KIAA1549L: variants seen among roughly 807,000 people sequenced by gnomAD.
KIAA1549L encodes the protein UPF0606 protein KIAA1549L.
A neutral mutation model predicts 160.7 loss-of-function variants in KIAA1549L; 88 were observed. That is an observed-to-expected ratio of 0.55 (90% CI 0.46 to 0.65). The LOEUF (loss-of-function observed/expected upper bound fraction) is 0.65, where lower values mean the gene tolerates loss of function less well. KIAA1549L is among the 30% of genes least tolerant of loss of function. The pLI, the probability that KIAA1549L is intolerant of heterozygous loss-of-function variation, is 0.00. For missense variants in KIAA1549L, 2,258 were observed against 2,437.5 expected, an observed-to-expected ratio of 0.93 and a Z score of 1.55; for synonymous variants, 950 against 976.7, an observed-to-expected ratio of 0.97 and a Z score of 0.51.
chr11:33,618,560 A>G lies in KIAA1549L; in HGVS notation c.5307A>G (p.Arg1769=). Reference sequence around the variant, plus strand: ...AACAGATGAAGAACTCTGTCTACAGAAGCCGGCAGTCTCTGAACAGCCCGA... The same window carrying G: ...AACAGATGAAGAACTCTGTCTACAGGAGCCGGCAGTCTCTGAACAGCCCGA... The part of the protein sequence containing the change: ...NRQQMKNSVY[R]SRQSLNSPSP... Residue 1769 remains arginine (R), a synonymous_variant, in exon 16 of 21, where the codon AGA becomes AGG. Transcript: ENST00000658780. 1 of 1,609,822 alleles carries G rather than the reference A, an allele frequency of 6.2e-7. No homozygotes were observed. The highest frequency in any genetic ancestry group is 8.5e-7 in the Non-Finnish European group (1 of 1,177,044).
intron 1 of KIAA1549L, among the ~76,000 whole-genome samples, chr11:33,389,559 A>G (rs569439891): frequency 6.6e-6 from 1 of 152,162 alleles, no homozygotes. Flanking sequence ...TTATTATCTT[A>G]TTAATACTGG....
At chr11:33,565,973 T>G (rs557397433) in intron 8 of KIAA1549L, among the ~76,000 whole-genome samples, 1 of 152,272 alleles carries the variant, frequency 6.6e-6, no homozygotes, top group African/African-American at 2.4e-5. Context: ...ATCCTGCCAC[T>G]GCATTCCAGC....
At chr11:33,564,804 TATTAACTGAGC>T (rs1458668518) in intron 8 of KIAA1549L, among the ~76,000 whole-genome samples, 1 of 152,238 alleles carries the variant, frequency 6.6e-6, no homozygotes, top group East Asian at 1.9e-4. Flanking sequence ...GAGGGAGAAG[TATTAACTGAGC>T]ATTAAGATTC....
At chr11:33,448,154 G>A (rs1390034297) in intron 1 of KIAA1549L, among the ~76,000 whole-genome samples, 1 of 152,122 alleles carries the variant, frequency 6.6e-6, no homozygotes, top group African/African-American at 2.4e-5. Context: ...GGGTATACAT[G>A]TGCCATGGTG....
intron 3 of KIAA1549L, 93 bp downstream of exon 3, chr11:33,545,471 G>A: frequency 7.1e-7 from 1 of 1,413,630 alleles, no homozygotes; most frequent in Non-Finnish European, 9.3e-7. Context: ...CTCAACCAGG[G>A]GACATTTTTC....
chr11:33,584,418 T>G (rs1855744663), intron 11 of KIAA1549L, among the ~76,000 whole-genome samples: 1 of 152,182 alleles, frequency 6.6e-6, no homozygotes. Context: ...AAGCCTGTCC[T>G]GGGGCCCCAT....
At chr11:33,511,533 A>G (rs950418456) in intron 1 of KIAA1549L, among the ~76,000 whole-genome samples, 2 of 152,240 alleles carry the variant, frequency 1.3e-5, no homozygotes, top group African/African-American at 2.4e-5. Context: ...CGGTGATGCA[A>G]TGTTACCAAA....
At chr11:33,435,781 T>C (rs1232010048) in intron 1 of KIAA1549L, among the ~76,000 whole-genome samples, 1 of 11,254 alleles carries the variant, frequency 8.9e-5, no homozygotes. Context: ...TATATATATA[T>C]ATATATATAT....
At chr11:33,572,964 G>A (rs1855316173) in intron 9 of KIAA1549L, among the ~76,000 whole-genome samples, 1 of 152,198 alleles carries the variant, frequency 6.6e-6, no homozygotes, top group South Asian at 2.1e-4. Context: ...ACTTGGTGTT[G>A]TCAGTTCTTA....
At chr11:33,471,808 G>A (rs566587672) in intron 1 of KIAA1549L, among the ~76,000 whole-genome samples, 5 of 152,214 alleles carry the variant, frequency 3.3e-5, no homozygotes, top group Non-Finnish European at 5.9e-5. Context: ...CTGCAGGCAG[G>A]AACAGAGCCA....
At chr11:33,516,682 TAAAAC>T (rs988027484) in intron 1 of KIAA1549L, among the ~76,000 whole-genome samples, 2 of 152,174 alleles carry the variant, frequency 1.3e-5, no homozygotes, top group African/African-American at 2.4e-5. Flanking sequence ...TATTCAGTCT[TAAAAC>T]AAACAAACAA....
At chr11:33,547,553 T>C (rs777289465) in intron 3 of KIAA1549L, among the ~76,000 whole-genome samples, 1 of 152,140 alleles carries the variant, frequency 6.6e-6, no homozygotes, top group Non-Finnish European at 1.5e-5. Context: ...CTCTCTCTAC[T>C]CGGGTCACAC....
intron 15 of KIAA1549L, among the ~76,000 whole-genome samples, chr11:33,617,379 T>A (rs1476040885): frequency 1.3e-5 from 2 of 152,212 alleles, no homozygotes; most frequent in East Asian, 3.9e-4. Flanking sequence ...TCCCACTCTT[T>A]GAAAAGATTT....
rs1554976830 is a variant in KIAA1549L at position 33,435,818 on chromosome 11, G to GTGTGTGTGTATATATATATATATATGTA, written c.238+58930_238+58931insGTGTGTGTATATATATATATATATGTAT. Among the ~76,000 whole-genome samples the GTGTGTGTGTATATATATATATATATGTA allele has an allele frequency of 1.1e-4, 5 of 45,324 alleles. No homozygotes were observed. The South Asian group carries it at 3.7e-3, about 33-fold the overall frequency. The allele number at this position is 45,324 out of a possible 152,430, so 29.7% of individuals were successfully genotyped here. ...TATATATATATATATATATGTGTGTGTATATATATATATGTATATGTATAT... is the reference window on the plus strand; with the variant it reads ...TATATATATATATATATATGTGTGTGTGTGTGTGTATATATATATATATATGTATATATATATATATGTATATGTATAT... On this transcript the variant is annotated intron_variant, in intron 1 of 20. Transcript: ENST00000658780.
chr11:33,434,774 T>C (rs933712248), intron 1 of KIAA1549L, among the ~76,000 whole-genome samples: 1 of 152,202 alleles, frequency 6.6e-6, no homozygotes, highest in African/African-American at 2.4e-5. Context: ...TAGCAACTTA[T>C]CCTTCACCTT....
rs766222749 is a variant in KIAA1549L, at chr11:33,542,629, C to A, written c.1066C>A (p.Pro356Thr). ...CATGGCAGAACTGTCCCATCCGTCT[C>A]CCCCTCCCCCAGCACTTGGAAGTCT... ...SPMAELSHPSPPPPALGSLLQ... is the reference protein window; with the variant it reads ...SPMAELSHPSTPPPALGSLLQ... The change falls in exon 2 of 21, where the codon CCC becomes ACC. Residue 356 changes from proline to threonine, a missense_variant. Pro to Thr is a conservative substitution (Grantham distance 38). Coordinates refer to ENST00000658780, the MANE Select transcript of KIAA1549L (RefSeq NM_012194.3). 6.2e-7 allele frequency: 1 copy of A among 1,613,754 alleles called. No individual in the cohort carries two copies. The highest frequency in any genetic ancestry group is 8.5e-7 in the Non-Finnish European group (1 of 1,179,846).
intron 12 of KIAA1549L, among the ~76,000 whole-genome samples, chr11:33,598,272 G>A (rs1231707969): frequency 2.0e-5 from 3 of 151,450 alleles, no homozygotes; most frequent in Non-Finnish European, 2.9e-5. Context: ...CAAAGAATAA[G>A]GCATAGTTGA....
In KIAA1549L at chr11:33,543,273, G is replaced by C. The variant is rs754711486; in HGVS notation, c.1710G>C (p.Gly570=). ...WKKDSVTAIL[G]KNEEANVTIP... ...AGGACAGTGTGACAGCCATTTTAGGGAAGAATGAAGAGGCAAATGTGACGA... is the reference window on the plus strand; with the variant it reads ...AGGACAGTGTGACAGCCATTTTAGGCAAGAATGAAGAGGCAAATGTGACGA... The change falls in exon 2 of 21, where the codon GGG becomes GGC. Residue 570 remains glycine (G), a synonymous_variant. Coordinates refer to ENST00000658780, the MANE Select transcript of KIAA1549L (RefSeq NM_012194.3). 18 of 1,613,924 alleles carry C rather than the reference G, an allele frequency of 1.1e-5. No individual in the cohort carries two copies. In the Admixed American group the frequency reaches 3.0e-4, roughly 27 times the overall value.
At chr11:33,478,979 T>C (rs1852351704) in intron 1 of KIAA1549L, among the ~76,000 whole-genome samples, 2 of 152,230 alleles carry the variant, frequency 1.3e-5, no homozygotes, top group South Asian at 4.1e-4. Flanking sequence ...AGCTCAGACT[T>C]GGGCATGTTG....
Sources: gnomAD v4.1 joint callset for allele counts (sites outside exome capture counted in the v4.1 genomes callset) on GRCh38, gnomAD v4.1.1 for gene constraint, MANE v1.5 for transcripts, NCBI Gene and HGNC (gene_info 2026-07-23, HGNC 2026-07-21) for gene names.